GSTZ1: variants seen among roughly 807,000 people sequenced by gnomAD.
The protein encoded by GSTZ1 is glutathione S-transferase zeta 1, also known as maleylacetoacetate isomerase.
In GSTZ1, 34 loss-of-function variants were observed where a neutral mutation model predicts 35.9. The observed-to-expected ratio is 0.95, with a 90% CI of 0.72 to 1.26. The LOEUF is 1.26. GSTZ1 is among the 50% of genes most tolerant of loss of function. The probability of loss-of-function intolerance (pLI) is 0.00; values close to 1 mark genes in which losing one functional copy is unlikely to be tolerated. For synonymous variants in GSTZ1, 93 were observed against 101.2 expected (o/e 0.92, Z 0.49); for missense variants, 263 against 271.7 (o/e 0.97, Z 0.23).
chr14:77,323,268 C>G (rs1892122292), intron 1 of GSTZ1: 1 of 152,090 alleles, frequency 6.6e-6, no homozygotes, highest in Non-Finnish European at 1.5e-5. Context: ...GAACCCAAAT[C>G]TGTCTCCAGA....
intron 7 of GSTZ1, 169 bp downstream of exon 7, chr14:77,329,976 G>T (rs8177570): frequency 3.0e-6 from 2 of 656,208 alleles, no homozygotes; most frequent in African/African-American, 3.6e-5. Context: ...AGTTACTCAA[G>T]GTAGAAGACT....
chr14:77,322,659 C>T lies in GSTZ1; in HGVS notation c.15+1476C>T, dbSNP rs367562074. 1.4e-5 allele frequency: 14 copies of T among 985,406 alleles called. No individual in the cohort carries two copies. The East Asian group carries it at 7.9e-4, about 56-fold the overall frequency. The allele number at this position is 985,406 out of a possible 1,614,324, so 61.0% of individuals were successfully genotyped here. ...AGATCCAGTTGTGGCCACCCAATTCCTCCTCTTCGAAAGACACTTTCTGCC... is the reference window on the plus strand; with the variant it reads ...AGATCCAGTTGTGGCCACCCAATTCTTCCTCTTCGAAAGACACTTTCTGCC... On this transcript the variant is annotated intron_variant, in intron 1 of 8. Transcript: ENST00000216465.
intron 2 of GSTZ1, 141 bp downstream of exon 2, chr14:77,325,062 C>G (rs1344986939): frequency 2.8e-6 from 2 of 703,184 alleles, no homozygotes; most frequent in Non-Finnish European, 5.2e-6. Flanking sequence ...TCCCCCGGCT[C>G]CTAGAACCCC....
chr14:77,325,873 G>A (rs191578597), intron 2 of GSTZ1: 1 of 152,366 alleles, frequency 6.6e-6, no homozygotes, highest in East Asian at 1.9e-4. Context: ...CCCTGGCTGA[G>A]CCAGAAGCCG....
chr14:77,330,830 C>T (rs1317715278), intron 8 of GSTZ1, among the ~76,000 whole-genome samples: 2 of 152,128 alleles, frequency 1.3e-5, no homozygotes, highest in Non-Finnish European at 2.9e-5. Context: ...TATATAAATG[C>T]CTAGCACTGG....
At chr14:77,324,334 A>G (rs1892189416) in intron 1 of GSTZ1, 4 of 486,864 alleles carry the variant, frequency 8.2e-6, no homozygotes, top group East Asian at 7.5e-5. Flanking sequence ...TTCAGTAGAG[A>G]CAGGGTTTCA....
At chr14:77,324,755 C>A in intron 1 of GSTZ1, 115 bp from the exon 2 acceptor site, 1 of 1,197,230 alleles carries the variant, frequency 8.4e-7, no homozygotes, top group Non-Finnish European at 1.2e-6. Context: ...CTGATTTGCA[C>A]AGATGCAGGC....
chr14:77,331,266 C>T lies in GSTZ1; in HGVS notation c.*71C>T, dbSNP rs892012827. 4.2e-5 allele frequency: 64 copies of T among 1,526,846 alleles called. No individual in the cohort carries two copies. Among genetic ancestry groups the T allele is most frequent in the South Asian group, 1.6e-4 (13 of 83,756 alleles). The allele number at this position is 1,526,846 out of a possible 1,614,324, so 94.6% of individuals were successfully genotyped here. On this transcript the variant is annotated 3_prime_UTR_variant, in exon 9 of 9. Transcript: ENST00000216465. ...TGGGTGGGCTGAAGAGGCCTGGAAA[C>T]GAGAGTCTTAATTGAGGAGATGGGA...
At position 77,324,475 on chromosome 14, in the gene GSTZ1, T is replaced by A. The variant is rs1405009240; in HGVS notation, c.16-395T>A. 22 of 792,250 alleles carry A rather than the reference T, an allele frequency of 2.8e-5. 1 individual carries two copies. The East Asian group carries it at 5.9e-4, about 21-fold the overall frequency. 49.1% of individuals were successfully genotyped at this position (792,250 alleles called of 1,614,324 possible). A position where few individuals can be genotyped will look rare whatever the true frequency, so the allele number is the denominator to read the frequency against. ...ATGCCCTTTCTGACCAGAGTCAAAG[T>A]TCCCCCAATGCCTGGGTAGCCCAGC... On this transcript the variant is annotated intron_variant, in intron 1 of 8. Transcript: ENST00000216465.
In GSTZ1 at chr14:77,331,588, C is replaced by T. The variant is rs1227776723; in HGVS notation, c.*393C>T. ...ATTTGGCGTGAATTAAACTGAAGCC[C>T]AGGCCTCTACCTTGTTTGTCTAAGA... is the stretch of plus-strand genomic sequence containing the variant. On this transcript the variant is annotated 3_prime_UTR_variant, in exon 9 of 9. Transcript: ENST00000216465. 1 of 176,020 alleles carries T rather than the reference C, an allele frequency of 5.7e-6. No homozygotes were observed. Among genetic ancestry groups the T allele is most frequent in the East Asian group, 1.5e-4 (1 of 6,520 alleles). The allele number at this position is 176,020 out of a possible 1,614,324, so 10.9% of individuals were successfully genotyped here. A position where few individuals can be genotyped will look rare whatever the true frequency, so the allele number is the denominator to read the frequency against.
At chr14:77,330,062 C>T in intron 7 of GSTZ1, 1 of 665,166 alleles carries the variant, frequency 1.5e-6, no homozygotes, top group South Asian at 1.6e-5. Flanking sequence ...CAAGGCAATC[C>T]ATCTTCTCTG....
rs989571299 is a variant in GSTZ1, at chr14:77,331,437, C to T, written c.*242C>T. 3 of 456,046 alleles carry T rather than the reference C, an allele frequency of 6.6e-6. No individual in the cohort carries two copies. Among genetic ancestry groups the T allele is most frequent in the Non-Finnish European group, 1.2e-5 (3 of 253,996 alleles). The allele number at this position is 456,046 out of a possible 1,614,324, so 28.2% of individuals were successfully genotyped here. ...ACTGTTATCTATGTGACGGGGCAGTCGTGAGGCTGAGATGAGAATGCGGAT... is the reference window on the plus strand; with the variant it reads ...ACTGTTATCTATGTGACGGGGCAGTTGTGAGGCTGAGATGAGAATGCGGAT... On this transcript the variant is annotated 3_prime_UTR_variant, in exon 9 of 9. Coordinates refer to ENST00000216465, the MANE Select transcript of GSTZ1 (RefSeq NM_145870.3).
At chr14:77,324,169 TTTTG>T in intron 1 of GSTZ1, 2 of 153,228 alleles carry the variant, frequency 1.3e-5, no homozygotes, top group Non-Finnish European at 2.9e-5. Flanking sequence ...TTTTTTTTTT[TTTTG>T]AGACGCAGTC....
chr14:77,327,758 CA>C, intron 4 of GSTZ1, 153 bp from the exon 5 acceptor site: 2 of 784,108 alleles, frequency 2.6e-6, no homozygotes, highest in South Asian at 1.7e-5. Context: ...TGATAAGGTC[CA>C]AAAAGGCTTA....
At chr14:77,323,690 A>G (rs908040334) in intron 1 of GSTZ1, 6 of 152,204 alleles carry the variant, frequency 3.9e-5, no homozygotes, top group Non-Finnish European at 5.9e-5. Context: ...ATTTTAAACT[A>G]CTGTGTTGAG....
At chr14:77,322,667 C>A in intron 1 of GSTZ1, 1 of 985,404 alleles carries the variant, frequency 1.0e-6, no homozygotes, top group South Asian at 4.7e-5. Flanking sequence ...TCCTCCTCTT[C>A]GAAAGACACT....
At chr14:77,330,541 A>G (rs140112586) in intron 8 of GSTZ1, among the ~76,000 whole-genome samples, 182 bp downstream of exon 8, 1 of 152,240 alleles carries the variant, frequency 6.6e-6, no homozygotes, top group Non-Finnish European at 1.5e-5. Flanking sequence ...TGCTCCTACT[A>G]CGCCCACCAC....
At chr14:77,325,422 T>A (rs1173963543) in intron 2 of GSTZ1, 1 of 174,106 alleles carries the variant, frequency 5.7e-6, no homozygotes, top group Non-Finnish European at 1.3e-5. Flanking sequence ...CAAAGCAGCC[T>A]GTACTGAGGA....
chr14:77,329,211 C>T lies in GSTZ1; in HGVS notation c.421+10C>T, dbSNP rs748589210. 3 of 1,569,708 alleles carry T rather than the reference C, an allele frequency of 1.9e-6. No homozygotes were observed. Among genetic ancestry groups the T allele is most frequent in the Admixed American group, 3.3e-5 (2 of 59,960 alleles). On this transcript the variant is annotated intron_variant, in intron 6 of 8. Transcript: ENST00000216465. The stretch of plus-strand genomic sequence containing the variant: ...ACTTGTGGCTTTAACGGTGAGTCCT[C>T]ACCTCTGTGAGCTGCCCCACAGTGG...
Sources: allele counts gnomAD v4.1 joint callset (sites outside exome capture counted in the v4.1 genomes callset), GRCh38; gene constraint gnomAD v4.1.1; transcripts MANE v1.5; gene names NCBI Gene and HGNC (gene_info 2026-07-23, HGNC 2026-07-21).